The following BAIAP2L2 variants were observed in gnomAD, a reference collection of about 807,000 sequenced individuals.
BAIAP2L2 encodes BAR/IMD domain-containing adapter protein 2-like 2.
In BAIAP2L2, 65 loss-of-function variants were observed where a neutral mutation model predicts 60.4. That is an observed-to-expected ratio of 1.08 (90% CI 0.88 to 1.32). The LOEUF is 1.32. Ranked by LOEUF, BAIAP2L2 falls within the 40% of genes most tolerant of loss-of-function variation. The probability of loss-of-function intolerance (pLI) is 0.00; values close to 1 mark genes in which losing one functional copy is unlikely to be tolerated. For missense variants in BAIAP2L2, 836 were observed against 741.2 expected (o/e 1.13, Z -1.48); for synonymous variants, 344 against 301.7 (o/e 1.14, Z -1.45).
Position 38,097,929 on chromosome 22 carries a change from C to T in BAIAP2L2, c.465+134G>A. On this transcript the variant is annotated intron_variant, in intron 6 of 13. Coordinates refer to ENST00000381669, the MANE Select transcript of BAIAP2L2 (RefSeq NM_025045.6). ...ACCAGGGGCTGGCTGACCTCCCCAG[C>T]CACGCTCATCACAGTTGGGCTGGTG... The T allele has an allele frequency of 4.7e-6, 4 of 849,404 alleles. No homozygotes were observed. In the South Asian group the frequency reaches 6.1e-5, roughly 13 times the overall value. 52.6% of individuals were successfully genotyped at this position (849,404 alleles called of 1,614,324 possible). A position where few individuals can be genotyped will look rare whatever the true frequency, so the allele number is the denominator to read the frequency against.
intron 4 of BAIAP2L2, 67 bp downstream of exon 4, chr22:38,107,785 C>G: frequency 6.8e-7 from 1 of 1,466,916 alleles, no homozygotes; most frequent in Non-Finnish European, 9.5e-7. Flanking sequence ...GTAGGCTGGG[C>G]CCTCTCCTTG....
Position 38,085,015 on chromosome 22 carries a change from G to A in BAIAP2L2, c.*285C>T, listed in dbSNP as rs2086009687. 4 of 392,094 alleles carry A rather than the reference G, an allele frequency of 1.0e-5. No individual in the cohort carries two copies. The highest frequency in any genetic ancestry group is 1.9e-5 in the Non-Finnish European group (4 of 212,624). 24.3% of individuals were successfully genotyped at this position (392,094 alleles called of 1,614,324 possible). ...CCCACGGGGGCAGAAAAGGGGGAAA[G>A]AGGTTAGGGGGCAAGAGGTGGGCCC... is the stretch of plus-strand genomic sequence containing the variant. On this transcript the variant is annotated 3_prime_UTR_variant, in exon 14 of 14. Transcript: ENST00000381669.
Position 38,089,163 on chromosome 22 carries a change from C to T in BAIAP2L2, c.834G>A (p.Glu278=), listed in dbSNP as rs746632355. The T allele has an allele frequency of 8.1e-5, 108 of 1,337,410 alleles. No individual in the cohort carries two copies. Among genetic ancestry groups the T allele is most frequent in the Non-Finnish European group, 7.4e-5 (78 of 1,048,798 alleles). The allele number at this position is 1,337,410 out of a possible 1,614,324, so 82.8% of individuals were successfully genotyped here. A position where few individuals can be genotyped will look rare whatever the true frequency, so the allele number is the denominator to read the frequency against. Residue 278 remains glutamate, a synonymous_variant, in exon 9 of 14, where the codon GAG becomes GAA. Coordinates refer to ENST00000381669, the MANE Select transcript of BAIAP2L2 (RefSeq NM_025045.6). Reference sequence around the variant, plus strand: ...GCTGGGACGCGGGCCTCGCGTCGGGCTCGGTGCCGTAGGAGCCGGAGCCGT... The same window carrying T: ...GCTGGGACGCGGGCCTCGCGTCGGGTTCGGTGCCGTAGGAGCCGGAGCCGT... ...SRHGSGSYGT[E]PDARPASQLE... is the part of the protein sequence containing the mutation.
At chr22:38,096,435 G>A (rs1284581330) in intron 7 of BAIAP2L2, among the ~76,000 whole-genome samples, 3 of 152,142 alleles carry the variant, frequency 2.0e-5, no homozygotes. Context: ...CAGGCAGATC[G>A]CTTGAGGTCA....
chr22:38,090,634 T>TA (rs1460222594), intron 7 of BAIAP2L2: 1 of 152,198 alleles, frequency 6.6e-6, no homozygotes, highest in Non-Finnish European at 1.5e-5. Flanking sequence ...TTATCTGCAT[T>TA]ATCTTACTTG....
rs549507326 is a variant in BAIAP2L2, at chr22:38,086,659, C to T, written c.1260-210G>A. Among the ~76,000 whole-genome samples the T allele has an allele frequency of 7.9e-5, 12 of 152,118 alleles. No individual in the cohort carries two copies. The South Asian group carries it at 1.7e-3, about 21-fold the overall frequency. On this transcript the variant is annotated intron_variant, in intron 11 of 13. Coordinates refer to ENST00000381669, the MANE Select transcript of BAIAP2L2 (RefSeq NM_025045.6). ...CAGGGCAGAGAGAGGGGCTCAGGGC[C>T]GGTGGTTCTCCAGGGGCTGAAGGGG... is the stretch of plus-strand genomic sequence containing the variant.
chr22:38,088,325 T>TC (rs1385045479), intron 10 of BAIAP2L2, among the ~76,000 whole-genome samples: 3 of 152,182 alleles, frequency 2.0e-5, no homozygotes, highest in Non-Finnish European at 4.4e-5. Flanking sequence ...TTTCAGGATT[T>TC]CCACGGAGCC....
Position 38,085,700 on chromosome 22 carries a change from C to T in BAIAP2L2, c.1500G>A (p.Gln500=), listed in dbSNP as rs942794172. 1 of 1,612,598 alleles carries T rather than the reference C, an allele frequency of 6.2e-7. No individual in the cohort carries two copies. The highest frequency in any genetic ancestry group is 1.3e-5 in the African/African-American group (1 of 74,856). Residue 500 remains glutamine, a synonymous_variant, in exon 13 of 14, where the codon CAG becomes CAA. Transcript: ENST00000381669. ...TGAGGACTCACCTCGGGAAGAGCTC[C>T]TGTGGTGGGTACTGCTCTGAGGACA... ...KLMSSEQYPP[Q]ELFPRGTNPF...
At chr22:38,101,361 T>C in intron 4 of BAIAP2L2, among the ~76,000 whole-genome samples, 1 of 115,300 alleles carries the variant, frequency 8.7e-6, no homozygotes, top group Non-Finnish European at 1.7e-5. Context: ...AGTAAGATGC[T>C]GTCTCTACAT....
chr22:38,106,081 C>G (rs1364804280), intron 4 of BAIAP2L2, among the ~76,000 whole-genome samples: 1 of 152,176 alleles, frequency 6.6e-6, no homozygotes. Context: ...AGGACAGGAA[C>G]CCACAGGCTC....
At chr22:38,096,093 TAACA>T (rs1296369089) in intron 7 of BAIAP2L2, among the ~76,000 whole-genome samples, 1 of 152,038 alleles carries the variant, frequency 6.6e-6, no homozygotes, top group African/African-American at 2.4e-5. Context: ...AAAGTATACT[TAACA>T]TACAAAGAGA....
At chr22:38,096,755 A>T (rs1161667981) in intron 7 of BAIAP2L2, among the ~76,000 whole-genome samples, 1 of 152,280 alleles carries the variant, frequency 6.6e-6, no homozygotes, top group African/African-American at 2.4e-5. Context: ...AACAGGAATT[A>T]AAAAATGGTC....
chr22:38,104,331 A>G (rs1252137772), intron 4 of BAIAP2L2, among the ~76,000 whole-genome samples: 1 of 152,264 alleles, frequency 6.6e-6, no homozygotes. Flanking sequence ...AAGGCTCCGG[A>G]TCCAGAGGAC....
At position 38,102,866 on chromosome 22, in the gene BAIAP2L2, C is replaced by T. The variant is rs531865251; in HGVS notation, c.277-4384G>A. Among the ~76,000 whole-genome samples, 7 of 151,734 alleles carry T rather than the reference C, an allele frequency of 4.6e-5. No homozygotes were observed. In the South Asian group the frequency reaches 6.2e-4, roughly 14 times the overall value. ...CATCCTGGCTAACACGGTGAAATCC[C>T]GTCTCTACTAAACATACCAAAAAAA... is the stretch of plus-strand genomic sequence containing the variant. On this transcript the variant is annotated intron_variant, in intron 4 of 13. Transcript: ENST00000381669.
At chr22:38,090,118 T>TTATTTTTTTTTTTA (rs745436945) in intron 7 of BAIAP2L2, 1 of 123,086 alleles carries the variant, frequency 8.1e-6, no homozygotes. Flanking sequence ...TTTTTTTTTT[T>TTATTTTTTTTTTTA]TTTTTTTTTT....
Position 38,096,632 on chromosome 22 carries a change from G to A in BAIAP2L2, c.612+400C>T, listed in dbSNP as rs542001286. ...ATTGTGCCGTTGCACTCCAGCCTGG[G>A]CAACAAGAGTGAAACTCTGTCTCAA... is the stretch of plus-strand genomic sequence containing the variant. On this transcript the variant is annotated intron_variant, in intron 7 of 13. Coordinates refer to ENST00000381669, the MANE Select transcript of BAIAP2L2 (RefSeq NM_025045.6). Among the ~76,000 whole-genome samples, 11 of 152,274 alleles carry A rather than the reference G, an allele frequency of 7.2e-5. No homozygotes were observed. In the East Asian group the frequency reaches 2.1e-3, roughly 29 times the overall value.
At chr22:38,100,902 C>T (rs932390510) in intron 4 of BAIAP2L2, among the ~76,000 whole-genome samples, 5 of 152,142 alleles carry the variant, frequency 3.3e-5, no homozygotes, top group Admixed American at 2.0e-4. Flanking sequence ...AAACGAAGCA[C>T]TAGAACAGGC....
At position 38,109,187 on chromosome 22, in the gene BAIAP2L2, G is replaced by C; in HGVS notation, c.73C>G (p.Pro25Ala). ...IYKSIMEQFN[P>A]ALENLVYLGN... ...AGGTACACCAGGTTCTCCAGGGCGG[G>C]GTTAAACTGCTCCATGATGCTCTGG... Residue 25 changes from proline (P) to alanine (A), a missense_variant, in exon 2 of 14, where the codon CCC becomes GCC. Transcript: ENST00000381669. 6.2e-7 allele frequency: 1 copy of C among 1,612,892 alleles called. No individual in the cohort carries two copies. The highest frequency in any genetic ancestry group is 1.1e-5 in the South Asian group (1 of 91,072).
Position 38,089,083 on chromosome 22 carries a change from CG to C in BAIAP2L2, c.901+12del. 7.2e-7 allele frequency: 1 copy of C among 1,379,926 alleles called. No homozygotes were observed. The allele number at this position is 1,379,926 out of a possible 1,614,324, so 85.5% of individuals were successfully genotyped here. On this transcript the variant is annotated intron_variant, in intron 9 of 13. Transcript: ENST00000381669. Reference sequence around the variant, plus strand: ...TCCCGGCCCTCCTGCCGCCCCGGGGCGGGGGCACTCACAGGCCGACGGCGTG... The same window carrying C: ...TCCCGGCCCTCCTGCCGCCCCGGGGCGGGGCACTCACAGGCCGACGGCGTG...
Sources: gnomAD v4.1 joint callset for allele counts (sites outside exome capture counted in the v4.1 genomes callset) on GRCh38, gnomAD v4.1.1 for gene constraint, MANE v1.5 for transcripts, NCBI Gene and HGNC (gene_info 2026-07-23, HGNC 2026-07-21) for gene names.